Variants in BACH2 observed in about 807,000 individuals in gnomAD.
BACH2 encodes BACH transcriptional regulator 2.
In BACH2, 5 loss-of-function variants were observed where a neutral mutation model predicts 61.8. The observed-to-expected ratio is 0.08, with a 90% CI of 0.04 to 0.17. BACH2 has a LOEUF of 0.17. BACH2 is among the 10% of genes least tolerant of loss of function. BACH2 has a pLI of 1.00. For synonymous variants in BACH2, 446 were observed against 440.1 expected, an observed-to-expected ratio of 1.01 and a Z score of -0.17; for missense variants, 824 against 1,091.1, an observed-to-expected ratio of 0.76 and a Z score of 3.45.
chr6:90,169,993 C>T (rs577625663), intron 4 of BACH2, among the ~76,000 whole-genome samples: 4 of 152,132 alleles, frequency 2.6e-5, no homozygotes, highest in African/African-American at 4.8e-5. Context: ...GTTTTGGCAT[C>T]GTATAGTTGA....
intron 5 of BACH2, among the ~76,000 whole-genome samples, chr6:90,081,749 A>C (rs965329592): frequency 7.9e-5 from 12 of 152,158 alleles, no homozygotes; most frequent in Non-Finnish European, 1.8e-4. Context: ...CTGCTTACTA[A>C]ATACTTCCTA....
chr6:90,227,027 G>A (rs1308101413), intron 3 of BACH2, among the ~76,000 whole-genome samples: 1 of 152,154 alleles, frequency 6.6e-6, no homozygotes, highest in Non-Finnish European at 1.5e-5. Context: ...TGCGTGAACT[G>A]CAAGAATAAA....
At chr6:90,267,947 C>T (rs1582550586) in intron 2 of BACH2, among the ~76,000 whole-genome samples, 1 of 150,300 alleles carries the variant, frequency 6.7e-6, no homozygotes, top group Non-Finnish European at 1.5e-5. Flanking sequence ...CATTGTCCTA[C>T]AATTTTTTTT....
intron 4 of BACH2, among the ~76,000 whole-genome samples, chr6:90,205,889 G>A (rs996604498): frequency 4.6e-5 from 7 of 152,076 alleles, no homozygotes; most frequent in Admixed American, 4.6e-4. Context: ...ACACGCTAAA[G>A]GCATCTCAAG....
intron 6 of BACH2, chr6:89,952,065 C>T: frequency 3.2e-6 from 2 of 616,986 alleles, no homozygotes; most frequent in Non-Finnish European, 5.6e-6. Flanking sequence ...TGTTGTACTC[C>T]ATCACAGCAC....
At chr6:90,000,407 C>A (rs1777074185) in intron 6 of BACH2, among the ~76,000 whole-genome samples, 1 of 152,004 alleles carries the variant, frequency 6.6e-6, no homozygotes, top group Non-Finnish European at 1.5e-5. Context: ...GCTTTTTTTT[C>A]ATCTGCTGCC....
chr6:90,085,958 C>G (rs1781915522), intron 5 of BACH2, among the ~76,000 whole-genome samples: 1 of 152,126 alleles, frequency 6.6e-6, no homozygotes, highest in South Asian at 2.1e-4. Flanking sequence ...CAAACTGATA[C>G]TTAATATCCA....
chr6:90,000,727 C>T (rs767347270), intron 6 of BACH2, among the ~76,000 whole-genome samples: 1 of 152,178 alleles, frequency 6.6e-6, no homozygotes, highest in East Asian at 1.9e-4. Flanking sequence ...AGCCATGATC[C>T]GCCTATGTTC....
chr6:90,035,458 AGAG>A (rs1420322608), intron 5 of BACH2, among the ~76,000 whole-genome samples: 1 of 152,152 alleles, frequency 6.6e-6, no homozygotes, highest in Non-Finnish European at 1.5e-5. Flanking sequence ...CTATTTTTAG[AGAG>A]GAGATTTGTA....
chr6:90,030,104 T>C (rs754869279), intron 5 of BACH2, among the ~76,000 whole-genome samples: 7 of 152,218 alleles, frequency 4.6e-5, no homozygotes, highest in African/African-American at 7.2e-5. Context: ...AGAATTAGGC[T>C]GTTCTCTCCT....
At chr6:89,982,285 A>T (rs1355937509) in intron 6 of BACH2, among the ~76,000 whole-genome samples, 2 of 152,020 alleles carry the variant, frequency 1.3e-5, no homozygotes, top group Non-Finnish European at 2.9e-5. Context: ...GAGAGTGAAG[A>T]GGCTACAGTG....
In BACH2 at chr6:89,928,810, A is replaced by C. The variant is rs189418899; in HGVS notation, c.*3598T>G. 3.3e-5 allele frequency: 5 copies of C among 152,464 alleles called. No homozygotes were observed. The East Asian group carries it at 9.4e-4, about 29-fold the overall frequency. The allele number at this position is 152,464 out of a possible 1,614,324, so 9.4% of individuals were successfully genotyped here. A position where few individuals can be genotyped will look rare whatever the true frequency, so the allele number is the denominator to read the frequency against. ...ACTGCAGCATCATCTCTGATGCCTG[A>C]GTCATTGCTGGGAACTCAGAAGATA... is the stretch of plus-strand genomic sequence containing the variant. On this transcript the variant is annotated 3_prime_UTR_variant, in exon 9 of 9. Transcript: ENST00000257749.
chr6:90,054,324 G>A (rs1054824498), intron 5 of BACH2, among the ~76,000 whole-genome samples: 5 of 152,196 alleles, frequency 3.3e-5, no homozygotes, highest in African/African-American at 7.2e-5. Flanking sequence ...ATTATATCCC[G>A]CACGTGGCTC....
At chr6:90,092,291 A>AAAAAAAAAAAAATAC in intron 4 of BACH2, among the ~76,000 whole-genome samples, 2 of 113,826 alleles carry the variant, frequency 1.8e-5, no homozygotes. Flanking sequence ...AAAAAAAAAA[A>AAAAAAAAAAAAATAC]ATATATATAT....
chr6:89,947,635 G>T (rs920583082), intron 7 of BACH2, among the ~76,000 whole-genome samples: 8 of 151,422 alleles, frequency 5.3e-5, no homozygotes, highest in Non-Finnish European at 1.0e-4. Flanking sequence ...GCGCGATCTC[G>T]GCTCACTGCA....
chr6:89,947,573 T>C (rs1773803931), intron 7 of BACH2, among the ~76,000 whole-genome samples: 1 of 151,590 alleles, frequency 6.6e-6, no homozygotes, highest in Admixed American at 6.6e-5. Context: ...TTTCTTTCTT[T>C]TTTTTTTTTT....
intron 4 of BACH2, among the ~76,000 whole-genome samples, chr6:90,098,402 T>TGAGATCATTCACTAA (rs1241100592): frequency 3.9e-5 from 6 of 152,098 alleles, no homozygotes; most frequent in Non-Finnish European, 7.3e-5. Flanking sequence ...CTGCAGGCTG[T>TGAGATCATTCACTAA]GAGATCATTC....
At chr6:90,107,025 A>G (rs1782951678) in intron 4 of BACH2, among the ~76,000 whole-genome samples, 1 of 152,210 alleles carries the variant, frequency 6.6e-6, no homozygotes, top group African/African-American at 2.4e-5. Flanking sequence ...GTCTTGGGCC[A>G]CTGTCCTTTA....
chr6:90,101,296 T>C (rs550180046), intron 4 of BACH2, among the ~76,000 whole-genome samples: 55 of 152,340 alleles, frequency 3.6e-4, no homozygotes, highest in African/African-American at 1.3e-3. Flanking sequence ...TGGTGTTATA[T>C]CTAAGAATCC....
Sources: allele counts gnomAD v4.1 joint callset (sites outside exome capture counted in the v4.1 genomes callset), GRCh38; gene constraint gnomAD v4.1.1; transcripts MANE v1.5; gene names NCBI Gene and HGNC (gene_info 2026-07-23, HGNC 2026-07-21).